Variants in FLVCR2 observed in about 807,000 individuals in gnomAD.
FLVCR2 encodes the protein FLVCR choline and putative heme transporter 2.
In FLVCR2, 38 loss-of-function variants were observed where a neutral mutation model predicts 48.9. That is an observed-to-expected ratio of 0.78 (90% confidence interval 0.60 to 1.02). The LOEUF (loss-of-function observed/expected upper bound fraction) is 1.02, where lower values mean the gene tolerates loss of function less well. Among genes scored for constraint, FLVCR2 ranks in the 50% least tolerant of loss-of-function variants. FLVCR2 has a pLI of 0.00. For missense variants in FLVCR2, 664 were observed against 663.3 expected (o/e 1.00, Z -0.01); for synonymous variants, 255 against 257.0 (o/e 0.99, Z 0.07).
chr14:75,596,783 C>T (rs867742788), intron 1 of FLVCR2, among the ~76,000 whole-genome samples: 3 of 96,088 alleles, frequency 3.1e-5, no homozygotes, highest in Admixed American at 1.0e-4. Context: ...CTCTTTTGCC[C>T]CCCCCCCCCG....
At chr14:75,639,495 A>C in intron 6 of FLVCR2, 33 bp downstream of exon 6, 3 of 1,416,726 alleles carry the variant, frequency 2.1e-6, no homozygotes, top group Non-Finnish European at 3.0e-6. Context: ...TTATTAGAAA[A>C]TACCATGCCA....
Position 75,639,366 on chromosome 14 carries a change from T to A in FLVCR2, c.1139T>A (p.Val380Glu). 1 of 1,612,536 alleles carries A rather than the reference T, an allele frequency of 6.2e-7. No individual in the cohort carries two copies. Among genetic ancestry groups the A allele is most frequent in the Non-Finnish European group, 8.5e-7 (1 of 1,178,526 alleles). ...RSKTYKETTL[V>E]VYIMTLVGMV... ...TCTACTTGTAGAGAGACAACCCTGG[T>A]AGTCTATATCATGACACTGGTGGGC... The change falls in exon 6 of 10, where the codon GTA becomes GAA. Residue 380 changes from valine (V) to glutamate (E), a missense_variant. Coordinates refer to ENST00000238667, the MANE Select transcript of FLVCR2 (RefSeq NM_017791.3).
chr14:75,618,173 A>G (rs752481323), intron 1 of FLVCR2, among the ~76,000 whole-genome samples: 7 of 152,192 alleles, frequency 4.6e-5, no homozygotes, highest in African/African-American at 9.7e-5. Context: ...GCTGGCTATC[A>G]TGGAAAATAG....
chr14:75,584,306 T>C (rs1888683864), intron 1 of FLVCR2, among the ~76,000 whole-genome samples: 1 of 152,216 alleles, frequency 6.6e-6, no homozygotes, highest in Non-Finnish European at 1.5e-5. Flanking sequence ...TTGTACACCT[T>C]GAAGGCGAGG....
intron 1 of FLVCR2, among the ~76,000 whole-genome samples, chr14:75,585,714 G>C (rs556446376): frequency 6.6e-6 from 1 of 152,098 alleles, no homozygotes; most frequent in Non-Finnish European, 1.5e-5. Flanking sequence ...TCAGGCAGGC[G>C]TCCCCGCAAT....
chr14:75,601,567 CTT>C (rs1158301102), intron 1 of FLVCR2, among the ~76,000 whole-genome samples: 1 of 152,150 alleles, frequency 6.6e-6, no homozygotes, highest in Non-Finnish European at 1.5e-5. Flanking sequence ...CATTGGAACT[CTT>C]TTGCATTGCT....
At chr14:75,581,613 A>G (rs1384634800) in intron 1 of FLVCR2, among the ~76,000 whole-genome samples, 2 of 152,078 alleles carry the variant, frequency 1.3e-5, no homozygotes, top group African/African-American at 2.4e-5. Context: ...AAATGACCGC[A>G]GTGGCCTTCT....
At chr14:75,638,352 G>A (rs145611114) in intron 5 of FLVCR2, among the ~76,000 whole-genome samples, 4 of 152,034 alleles carry the variant, frequency 2.6e-5, no homozygotes, top group Non-Finnish European at 5.9e-5. Context: ...CAGAAGAATC[G>A]CTTGAACCCG....
At chr14:75,610,410 G>A (rs17103529) in intron 1 of FLVCR2, among the ~76,000 whole-genome samples, 15,078 of 151,936 alleles carry the variant, frequency 0.099, 1,738 homozygotes, top group African/African-American at 0.28. Context: ...CATAAATACC[G>A]GGCTTAGCTA....
chr14:75,595,262 G>A (rs746039727), intron 1 of FLVCR2, among the ~76,000 whole-genome samples: 101 of 152,152 alleles, frequency 6.6e-4, no homozygotes, highest in Non-Finnish European at 1.3e-3. Context: ...ATAGATGGCC[G>A]CATAAGCAAT....
chr14:75,611,815 GT>G (rs1271515248), intron 1 of FLVCR2, among the ~76,000 whole-genome samples: 4 of 152,202 alleles, frequency 2.6e-5, no homozygotes, highest in Non-Finnish European at 5.9e-5. Flanking sequence ...TCAGGGGGTA[GT>G]TGTGAGGGCA....
At chr14:75,639,072 A>G (rs1890238454) in intron 5 of FLVCR2, among the ~76,000 whole-genome samples, 1 of 152,158 alleles carries the variant, frequency 6.6e-6, no homozygotes, top group South Asian at 2.1e-4. Flanking sequence ...AAAATTAGCC[A>G]GGCGTGATGC....
In FLVCR2 at chr14:75,639,388, G is replaced by A. The variant is rs372943233; in HGVS notation, c.1161G>A (p.Val387=). 1.7e-5 allele frequency: 28 copies of A among 1,613,868 alleles called. No individual in the cohort carries two copies. Among genetic ancestry groups the A allele is most frequent in the Admixed American group, 3.3e-5 (2 of 60,006 alleles). Residue 387 remains valine (V), a synonymous_variant, in exon 6 of 10, where the codon GTG becomes GTA. Coordinates refer to ENST00000238667, the MANE Select transcript of FLVCR2 (RefSeq NM_017791.3). ...TGGTAGTCTATATCATGACACTGGT[G>A]GGCATGGTGGTGTACACGTTTACCT... ...TTLVVYIMTL[V]GMVVYTFTLN... is the part of the protein sequence containing the mutation.
chr14:75,579,359 C>G lies in FLVCR2; in HGVS notation c.387C>G (p.Cys129Trp). 6.2e-7 allele frequency: 1 copy of G among 1,614,222 alleles called. No individual in the cohort carries two copies. The highest frequency in any genetic ancestry group is 8.5e-7 in the Non-Finnish European group (1 of 1,180,046). ...SAFAIDWLSM[C>W]YMLTYIPLLL... ...TTGCCATTGACTGGCTGTCCATGTG[C>G]TACATGCTGACTTACATCCCTCTGC... Residue 129 changes from cysteine to tryptophan, a missense_variant, in exon 1 of 10, where the codon TGC (cysteine) becomes TGG (tryptophan). Transcript: ENST00000238667.
intron 9 of FLVCR2, among the ~76,000 whole-genome samples, chr14:75,643,285 A>C (rs998413050): frequency 6.6e-6 from 1 of 152,238 alleles, no homozygotes; most frequent in African/African-American, 2.4e-5. Context: ...ATTGTGATTA[A>C]TATGTTGGAA....
chr14:75,646,407 C>T lies in FLVCR2; in HGVS notation c.1516C>T (p.Gln506Ter). 1.9e-6 allele frequency: 3 copies of T among 1,613,348 alleles called. No individual in the cohort carries two copies. Among genetic ancestry groups the T allele is most frequent in the Non-Finnish European group, 2.5e-6 (3 of 1,179,396 alleles). ...ANKETLENKL[Q>*]EEEEESNTSK... ...TGTTTGTTTTGCTTTATAGAAACTC[C>T]AAGAGGAGGAGGAGGAGAGCAACAC... Residue 506 changes from glutamine (Q) to a stop codon, truncating the protein, a stop_gained, in exon 10 of 10, where the codon CAA becomes TAA. Coordinates refer to ENST00000238667, the MANE Select transcript of FLVCR2 (RefSeq NM_017791.3). LOFTEE classifies it high-confidence loss of function.
At chr14:75,619,757 C>T (rs1889716372) in intron 1 of FLVCR2, among the ~76,000 whole-genome samples, 1 of 152,150 alleles carries the variant, frequency 6.6e-6, no homozygotes, top group Admixed American at 6.5e-5. Flanking sequence ...TACTGTAGGC[C>T]ACTGCTAAGG....
Position 75,625,923 on chromosome 14 carries a change from C to T in FLVCR2, c.952+1171C>T, listed in dbSNP as rs138095605. 3.7e-3 allele frequency among the ~76,000 whole-genome samples: 562 copies of T among 152,084 alleles called. 16 individuals are homozygous for T. Among genetic ancestry groups the T allele is most frequent in the African/African-American group, 0.012 (516 of 41,342 alleles). Reference sequence around the variant, plus strand: ...TGGCCAAATAACTAGCCCAAGGTCACACAACTTTCAAGTGGCAGAGCCAGA... The same window carrying T: ...TGGCCAAATAACTAGCCCAAGGTCATACAACTTTCAAGTGGCAGAGCCAGA... On this transcript the variant is annotated intron_variant, in intron 3 of 9. Coordinates refer to ENST00000238667, the MANE Select transcript of FLVCR2 (RefSeq NM_017791.3).
At chr14:75,620,492 G>A (rs963370743) in intron 1 of FLVCR2, among the ~76,000 whole-genome samples, 3 of 152,166 alleles carry the variant, frequency 2.0e-5, no homozygotes, top group Admixed American at 6.5e-5. Context: ...TATAATAAAC[G>A]ATTACAGATG....
Sources: allele counts gnomAD v4.1 joint callset (sites outside exome capture counted in the v4.1 genomes callset), GRCh38; gene constraint gnomAD v4.1.1; transcripts MANE v1.5; gene names NCBI Gene and HGNC (gene_info 2026-07-23, HGNC 2026-07-21).